EPHA4: variants seen among roughly 807,000 people sequenced by gnomAD.
EPHA4 encodes EPH receptor A4, also known as ephrin type-A receptor 4.
A neutral mutation model predicts 108.3 loss-of-function variants in EPHA4; 19 were observed. That is an observed-to-expected ratio of 0.18 (90% CI 0.12 to 0.26). The LOEUF (loss-of-function observed/expected upper bound fraction) is 0.26. Ranked by LOEUF, EPHA4 falls within the 10% of genes least tolerant of loss-of-function variation. EPHA4 has a pLI of 1.00. For missense variants in EPHA4, 917 were observed against 1,254.0 expected (o/e 0.73, Z 4.06); for synonymous variants, 449 against 455.5 (o/e 0.99, Z 0.18).
chr2:221,488,127 C>T (rs985301526), intron 4 of EPHA4, among the ~76,000 whole-genome samples: 1 of 152,120 alleles, frequency 6.6e-6, no homozygotes, highest in Non-Finnish European at 1.5e-5. Context: ...TAGACAATAC[C>T]TTAACAAATG....
At chr2:221,443,807 T>A (rs1690507621) in intron 9 of EPHA4, among the ~76,000 whole-genome samples, 1 of 152,196 alleles carries the variant, frequency 6.6e-6, no homozygotes, top group African/African-American at 2.4e-5. Flanking sequence ...GGCTGCAGCT[T>A]TACTGACTTC....
chr2:221,502,250 A>C (rs1692508915), intron 3 of EPHA4, among the ~76,000 whole-genome samples: 1 of 152,090 alleles, frequency 6.6e-6, no homozygotes. Flanking sequence ...AATCTGTCTC[A>C]ACCCCAGATA....
At chr2:221,485,535 C>T (rs1000331161) in intron 4 of EPHA4, among the ~76,000 whole-genome samples, 3 of 152,008 alleles carry the variant, frequency 2.0e-5, no homozygotes, top group Non-Finnish European at 4.4e-5. Flanking sequence ...TGGAGTATAA[C>T]GAAGTCATAT....
intron 4 of EPHA4, among the ~76,000 whole-genome samples, chr2:221,499,745 TATATATATATA>T (rs1292510437): frequency 0.015 from 921 of 60,100 alleles, 4 homozygotes; most frequent in African/African-American, 0.025. Context: ...TATATATATA[TATATATATATA>T]TTTTTTTTTT....
At chr2:221,538,621 C>T (rs73994294) in intron 3 of EPHA4, among the ~76,000 whole-genome samples, 1,915 of 152,098 alleles carry the variant, frequency 0.013, 38 homozygotes, top group African/African-American at 0.043. Flanking sequence ...TAAGTTTATG[C>T]TGGCAAATAA....
chr2:221,547,856 C>T (rs1027584126), intron 3 of EPHA4, among the ~76,000 whole-genome samples: 2 of 152,160 alleles, frequency 1.3e-5, no homozygotes, highest in Admixed American at 6.5e-5. Context: ...GGGATAATAA[C>T]AGTACCTGAC....
chr2:221,515,893 T>C (rs764429699), intron 3 of EPHA4, among the ~76,000 whole-genome samples: 1 of 151,938 alleles, frequency 6.6e-6, no homozygotes, highest in Non-Finnish European at 1.5e-5. Context: ...ATTTTATTTT[T>C]TAAAATAGGA....
intron 4 of EPHA4, among the ~76,000 whole-genome samples, chr2:221,498,779 ATTTTTTTTTTCTTTTT>A (rs1276214752): frequency 4.2e-5 from 5 of 120,476 alleles, no homozygotes; most frequent in East Asian, 2.6e-4. Context: ...AGTCCTGGCT[ATTTTTTTTTTCTTTTT>A]TTTTTTTTTT....
At chr2:221,515,186 C>T (rs1285110010) in intron 3 of EPHA4, among the ~76,000 whole-genome samples, 1 of 152,174 alleles carries the variant, frequency 6.6e-6, no homozygotes, top group Non-Finnish European at 1.5e-5. Flanking sequence ...ACCTCTGCCT[C>T]CTGGGTTCAA....
At chr2:221,559,606 T>C (rs775842665) in intron 3 of EPHA4, among the ~76,000 whole-genome samples, 1 of 152,212 alleles carries the variant, frequency 6.6e-6, no homozygotes, top group Non-Finnish European at 1.5e-5. Context: ...TTTTCCTCTC[T>C]TCCTTCTGCT....
chr2:221,485,601 C>T (rs12993766), intron 4 of EPHA4, among the ~76,000 whole-genome samples: 64,027 of 151,846 alleles, frequency 0.42, 13,578 homozygotes, highest in East Asian at 0.53. Context: ...TGATGTTGGT[C>T]TGGAAAAAAA....
intron 5 of EPHA4, among the ~76,000 whole-genome samples, chr2:221,468,516 G>T (rs554559782): frequency 6.6e-6 from 1 of 152,074 alleles, no homozygotes; most frequent in African/African-American, 2.4e-5. Context: ...GCTGCTAATC[G>T]TCCTGCTGTG....
At chr2:221,484,344 C>A (rs1042997835) in intron 4 of EPHA4, among the ~76,000 whole-genome samples, 1 of 152,190 alleles carries the variant, frequency 6.6e-6, no homozygotes, top group Non-Finnish European at 1.5e-5. Flanking sequence ...CTTTATCCCA[C>A]TTATTGAAGA....
chr2:221,539,982 C>T (rs1320790904), intron 3 of EPHA4, among the ~76,000 whole-genome samples: 1 of 151,976 alleles, frequency 6.6e-6, no homozygotes, highest in Non-Finnish European at 1.5e-5. Context: ...CAATATACCA[C>T]GATCTCCACT....
chr2:221,421,309 AG>A (rs1689755774), intron 17 of EPHA4, among the ~76,000 whole-genome samples: 1 of 152,124 alleles, frequency 6.6e-6, no homozygotes, highest in South Asian at 2.1e-4. Flanking sequence ...CAAAAAAAAA[AG>A]AAAAGAAAAA....
chr2:221,569,139 G>C (rs970260754), intron 1 of EPHA4, among the ~76,000 whole-genome samples: 1 of 152,162 alleles, frequency 6.6e-6, no homozygotes, highest in Non-Finnish European at 1.5e-5. Flanking sequence ...ATTCATCTCT[G>C]TCTGGTATCT....
chr2:221,563,717 A>G lies in EPHA4; in HGVS notation c.823+14T>C, dbSNP rs1296178890. The G allele has an allele frequency of 1.2e-6, 2 of 1,611,288 alleles. No homozygotes were observed. The highest frequency in any genetic ancestry group is 2.7e-5 in the African/African-American group (2 of 74,796). ...TAAGCCCCAGTGAAAAAACTGCAATATGGACCCTCTTACCTTGGCATTCTC... is the reference window on the plus strand; with the variant it reads ...TAAGCCCCAGTGAAAAAACTGCAATGTGGACCCTCTTACCTTGGCATTCTC... On this transcript the variant is annotated intron_variant, in intron 3 of 17. Coordinates refer to ENST00000281821, the MANE Select transcript of EPHA4 (RefSeq NM_004438.5).
chr2:221,436,265 C>A, intron 13 of EPHA4, 134 bp downstream of exon 13: 2 of 746,910 alleles, frequency 2.7e-6, no homozygotes, highest in Non-Finnish European at 4.2e-6. Flanking sequence ...AAAATGGATG[C>A]AGGAATATGA....
chr2:221,436,693 GGGTATCTGTATCC>G, intron 12 of EPHA4, 85 bp from the exon 13 acceptor site: 1 of 1,370,286 alleles, frequency 7.3e-7, no homozygotes, highest in Non-Finnish European at 1.0e-6. Flanking sequence ...GAATCTTTTT[GGGTATCTGTATCC>G]GGTATGCAAT....
Sources: gnomAD v4.1 joint callset for allele counts (sites outside exome capture counted in the v4.1 genomes callset) on GRCh38, gnomAD v4.1.1 for gene constraint, MANE v1.5 for transcripts, NCBI Gene and HGNC (gene_info 2026-07-23, HGNC 2026-07-21) for gene names.